GPATCH2L: variants seen among roughly 807,000 people sequenced by gnomAD.
The protein encoded by GPATCH2L is G patch domain-containing protein 2-like.
In GPATCH2L, 31 loss-of-function variants were observed where a neutral mutation model predicts 57.4. That is an observed-to-expected ratio of 0.54 (90% CI 0.41 to 0.73). The LOEUF (loss-of-function observed/expected upper bound fraction) is 0.73, where lower values mean the gene tolerates loss of function less well. GPATCH2L is among the 30% of genes least tolerant of loss of function. The pLI is 0.00. For synonymous variants in GPATCH2L, 199 were observed against 210.7 expected (o/e 0.94, Z 0.48); for missense variants, 481 against 599.9 (o/e 0.80, Z 2.07).
At chr14:76,193,280 T>A (rs547900182) in intron 8 of GPATCH2L, among the ~76,000 whole-genome samples, 1 of 152,186 alleles carries the variant, frequency 6.6e-6, no homozygotes, top group East Asian at 1.9e-4. Flanking sequence ...TAGTACTGAC[T>A]AGATCCATAA....
At chr14:76,232,151 A>G (rs1415944267) in intron 2 of GPATCH2L, among the ~76,000 whole-genome samples, 1 of 152,214 alleles carries the variant, frequency 6.6e-6, no homozygotes, top group Non-Finnish European at 1.5e-5. Flanking sequence ...GGCTCAAGCC[A>G]TCCTCCTTCC....
At chr14:76,190,225 TAA>T (rs1420326064) in intron 8 of GPATCH2L, among the ~76,000 whole-genome samples, 1 of 152,060 alleles carries the variant, frequency 6.6e-6, no homozygotes, top group African/African-American at 2.4e-5. Flanking sequence ...TTACCTGCAG[TAA>T]AAAAGAAAAT....
intron 2 of GPATCH2L, among the ~76,000 whole-genome samples, chr14:76,163,138 C>T (rs1900121): frequency 0.11 from 17,477 of 152,202 alleles, 1,036 homozygotes; most frequent in Admixed American, 0.15. Flanking sequence ...GGGCTTTAGG[C>T]ATACACTACC....
downstream of GPATCH2L, among the ~76,000 whole-genome samples, chr14:76,218,940 T>C (rs1336472895): frequency 7.0e-6 from 1 of 142,244 alleles, no homozygotes; most frequent in Non-Finnish European, 1.5e-5. Context: ...TCACCTCTTA[T>C]ACCAGGACAA....
chr14:76,181,183 C>G (rs543113899), intron 8 of GPATCH2L, among the ~76,000 whole-genome samples: 1 of 152,344 alleles, frequency 6.6e-6, no homozygotes, highest in Non-Finnish European at 1.5e-5. Context: ...TCTGACTTCT[C>G]CCTACATGTA....
chr14:76,156,551 A>T (rs2038316864), intron 2 of GPATCH2L, among the ~76,000 whole-genome samples: 1 of 152,208 alleles, frequency 6.6e-6, no homozygotes, highest in Non-Finnish European at 1.5e-5. Context: ...TTCCCTCATC[A>T]GACTATTTTT....
At chr14:76,235,270 A>G (rs1484576994) in intron 2 of GPATCH2L, among the ~76,000 whole-genome samples, 1 of 152,126 alleles carries the variant, frequency 6.6e-6, no homozygotes, top group Non-Finnish European at 1.5e-5. Flanking sequence ...CCCCACCCAA[A>G]TCTCACCTTG....
intron 9 of GPATCH2L, among the ~76,000 whole-genome samples, chr14:76,201,264 C>T (rs2040303980): frequency 6.6e-6 from 1 of 152,008 alleles, no homozygotes; most frequent in Admixed American, 6.6e-5. Context: ...TGTTTTATCC[C>T]TGAACAATTT....
chr14:76,217,199 G>A (rs573726203), downstream of GPATCH2L, among the ~76,000 whole-genome samples: 69 of 152,304 alleles, frequency 4.5e-4, no homozygotes, highest in African/African-American at 1.4e-3. Flanking sequence ...TGCAAGCTAA[G>A]AACGGTGTTT....
At chr14:76,178,082 G>A (rs2139698988) in intron 7 of GPATCH2L, 40 bp downstream of exon 7, 1 of 1,511,244 alleles carries the variant, frequency 6.6e-7, no homozygotes, top group Non-Finnish European at 9.1e-7. Context: ...TTTTCTTGGA[G>A]AACCGTTTTC....
intron 1 of GPATCH2L, chr14:76,153,065 T>C (rs1387642813): frequency 1.4e-5 from 4 of 287,120 alleles, no homozygotes; most frequent in Non-Finnish European, 2.7e-5. Flanking sequence ...TTCGTTTGTA[T>C]GGTAGTTTTG....
intron 2 of GPATCH2L, among the ~76,000 whole-genome samples, chr14:76,232,520 A>G (rs2040577653): frequency 6.6e-6 from 1 of 152,116 alleles, no homozygotes; most frequent in South Asian, 2.1e-4. Flanking sequence ...AATGCACAAG[A>G]CCACCCTCAC....
At chr14:76,217,550 A>T (rs566772448), downstream of GPATCH2L, among the ~76,000 whole-genome samples, 2 of 152,086 alleles carry the variant, frequency 1.3e-5, no homozygotes, top group Non-Finnish European at 2.9e-5. Context: ...CACACTAAAT[A>T]CTACTAAAAA....
At chr14:76,215,977 A>C (rs9919949), downstream of GPATCH2L, among the ~76,000 whole-genome samples, 42,242 of 151,876 alleles carry the variant, frequency 0.28, 5,936 homozygotes, top group Middle Eastern at 0.41. Flanking sequence ...AGCAAGTAAG[A>C]CAAAAGCCAT....
chr14:76,226,431 T>G (rs1266206805), intron 1 of GPATCH2L, among the ~76,000 whole-genome samples: 4 of 152,168 alleles, frequency 2.6e-5, no homozygotes, highest in African/African-American at 9.7e-5. Context: ...AGGATTGTGC[T>G]TGCTGTAGAT....
In GPATCH2L at chr14:76,205,144, A is replaced by C. The variant is rs764113572; in HGVS notation, c.*3293A>C. ...GCCACCATGCCTGGCTAATTTTTTAAGTTTTTGGAGAGATGGGGTCTTGCT... is the reference window on the plus strand; with the variant it reads ...GCCACCATGCCTGGCTAATTTTTTACGTTTTTGGAGAGATGGGGTCTTGCT... On this transcript the variant is annotated 3_prime_UTR_variant, in exon 10 of 10. Coordinates refer to ENST00000261530, the MANE Select transcript of GPATCH2L (RefSeq NM_017926.4). The C allele has an allele frequency of 2.6e-5, 4 of 152,146 alleles. No individual in the cohort carries two copies. Among genetic ancestry groups the C allele is most frequent in the Non-Finnish European group, 5.9e-5 (4 of 68,120 alleles). The allele number at this position is 152,146 out of a possible 1,614,324, so 9.4% of individuals were successfully genotyped here.
chr14:76,226,556 G>A (rs1298669100), intron 1 of GPATCH2L, among the ~76,000 whole-genome samples: 1 of 152,200 alleles, frequency 6.6e-6, no homozygotes, highest in Non-Finnish European at 1.5e-5. Context: ...CAAAATGTGT[G>A]TGTTGGAAAC....
intron 8 of GPATCH2L, among the ~76,000 whole-genome samples, chr14:76,184,088 G>C (rs1388637328): frequency 6.6e-6 from 1 of 150,674 alleles, no homozygotes; most frequent in Non-Finnish European, 1.5e-5. Flanking sequence ...ATCATTAGTG[G>C]TATAATTTTA....
intron 2 of GPATCH2L, among the ~76,000 whole-genome samples, chr14:76,159,593 T>A (rs2038476770): frequency 6.6e-6 from 1 of 152,056 alleles, no homozygotes; most frequent in South Asian, 2.1e-4. Context: ...CACTGCTTGA[T>A]TCTGACCCCA....
Sources: allele counts gnomAD v4.1 joint callset (sites outside exome capture counted in the v4.1 genomes callset), GRCh38; gene constraint gnomAD v4.1.1; transcripts MANE v1.5; gene names NCBI Gene and HGNC (gene_info 2026-07-23, HGNC 2026-07-21).